The following PKHD1 variants were observed in gnomAD, a reference collection of about 807,000 sequenced individuals.
PKHD1 encodes the protein PKHD1 ciliary IPT domain containing fibrocystin/polyductin.
A neutral mutation model predicts 412.0 loss-of-function variants in PKHD1; 291 were observed. The observed-to-expected ratio is 0.71, with a 90% CI of 0.64 to 0.78. The LOEUF (loss-of-function observed/expected upper bound fraction) is 0.78. Among genes scored for constraint, PKHD1 ranks in the 30% least tolerant of loss-of-function variants. The probability of loss-of-function intolerance (pLI) is 0.00; values close to 1 mark genes in which losing one functional copy is unlikely to be tolerated. For synonymous variants in PKHD1, 1,777 were observed against 1,821.5 expected (o/e 0.98, Z 0.62); for missense variants, 4,825 against 4,950.7 (o/e 0.97, Z 0.76).
At chr6:51,663,237 A>G (rs557103912) in intron 60 of PKHD1, among the ~76,000 whole-genome samples, 4 of 152,180 alleles carry the variant, frequency 2.6e-5, no homozygotes, top group Non-Finnish European at 5.9e-5. Context: ...TCTCCTTTTT[A>G]CACATTTTTT....
chr6:51,843,563 G>A (rs568346433), intron 50 of PKHD1, among the ~76,000 whole-genome samples: 4 of 152,294 alleles, frequency 2.6e-5, no homozygotes, highest in East Asian at 1.9e-4. Flanking sequence ...GCATCAAATC[G>A]CATGAAGGGA....
Position 51,659,307 on chromosome 6 carries a change from T to G in PKHD1, c.10819A>C (p.Thr3607Pro). Residue 3607 changes from threonine (T) to proline (P), a missense_variant, in exon 61 of 67, where the codon ACC (threonine) becomes CCC (proline). Coordinates refer to ENST00000371117, the MANE Select transcript of PKHD1 (RefSeq NM_138694.4). ...FIHEMPGHEE[T>P]LKAIADSRAK... ...CTACTGTCAGCAATGGCCTTTAAGG[T>G]CTCTTCATGGCCAGGCATCTCGTGA... 1 of 1,613,804 alleles carries G rather than the reference T, an allele frequency of 6.2e-7. No homozygotes were observed. The highest frequency in any genetic ancestry group is 8.5e-7 in the Non-Finnish European group (1 of 1,179,836).
chr6:51,996,631 T>C (rs1039351818), intron 35 of PKHD1, among the ~76,000 whole-genome samples: 4 of 152,244 alleles, frequency 2.6e-5, no homozygotes, highest in African/African-American at 9.6e-5. Flanking sequence ...AAGCAGACAT[T>C]CCTACTGAAT....
At chr6:51,681,790 C>A (rs1776700525) in intron 60 of PKHD1, among the ~76,000 whole-genome samples, 1 of 152,100 alleles carries the variant, frequency 6.6e-6, no homozygotes, top group Non-Finnish European at 1.5e-5. Context: ...TGGAACACAG[C>A]TATACGCATT....
At chr6:51,943,239 AC>A (rs1788854463) in intron 36 of PKHD1, among the ~76,000 whole-genome samples, 2 of 151,528 alleles carry the variant, frequency 1.3e-5, no homozygotes, top group Admixed American at 6.6e-5. Context: ...AAAGGACTGG[AC>A]AATACTTTTA....
chr6:51,950,267 CA>C (rs1202913329), intron 36 of PKHD1, among the ~76,000 whole-genome samples: 1 of 141,744 alleles, frequency 7.1e-6, no homozygotes, highest in Non-Finnish European at 1.5e-5. Flanking sequence ...CTCAGAGCTG[CA>C]AACAATAGCA....
chr6:51,983,118 T>C (rs1481861187), intron 35 of PKHD1, among the ~76,000 whole-genome samples: 1 of 152,134 alleles, frequency 6.6e-6, no homozygotes, highest in African/African-American at 2.4e-5. Flanking sequence ...GGTAGCTCCA[T>C]TATTAATTAA....
In PKHD1 at chr6:52,085,038, C is replaced by CA. The variant is rs200738257; in HGVS notation, c.-84-22dup. The stretch of plus-strand genomic sequence containing the variant: ...TTGTGCTTTATAAAAACAAAAAAAG[C>CA]AAAAAAAAATTATCATTTTGTTTAC... On this transcript the variant is annotated intron_variant, in intron 1 of 66. Transcript: ENST00000371117. The CA allele has an allele frequency of 1.0e-2, 7,881 of 788,208 alleles. 40 individuals carry two copies. The highest frequency in any genetic ancestry group is 0.013 in the Non-Finnish European group (5,700 of 450,800). 48.8% of individuals were successfully genotyped at this position (788,208 alleles called of 1,614,324 possible).
At chr6:51,743,382 A>G (rs1784802100) in intron 60 of PKHD1, among the ~76,000 whole-genome samples, 1 of 152,198 alleles carries the variant, frequency 6.6e-6, no homozygotes, top group Non-Finnish European at 1.5e-5. Flanking sequence ...GGTGGCACCA[A>G]TTACTGAGGT....
At chr6:51,965,918 A>G (rs145661887) in intron 35 of PKHD1, among the ~76,000 whole-genome samples, 1 of 152,216 alleles carries the variant, frequency 6.6e-6, no homozygotes, top group East Asian at 1.9e-4. Context: ...CTCTATTTGA[A>G]TCTTCAAATC....
rs760524675 is a variant in PKHD1, at chr6:51,791,347, G to C, written c.8329C>G (p.Leu2777Val). The C allele has an allele frequency of 6.2e-7, 1 of 1,613,552 alleles. No individual in the cohort carries two copies. The highest frequency in any genetic ancestry group is 1.7e-5 in the Admixed American group (1 of 59,992). Residue 2777 changes from leucine (L) to valine (V), a missense_variant, in exon 53 of 67, where the codon CTT (leucine) becomes GTT (valine). Coordinates refer to ENST00000371117, the MANE Select transcript of PKHD1 (RefSeq NM_138694.4). ...PNRTVLVDTD[L>V]PFFKGLYVMG... ...ACATACAGCCCTTTGAAGAATGGAA[G>C]ATCTGTATCCACAAGGACAGTTCTG...
intron 52 of PKHD1, among the ~76,000 whole-genome samples, chr6:51,823,201 C>T (rs9296663): frequency 0.42 from 64,276 of 151,848 alleles, 14,390 homozygotes; most frequent in Middle Eastern, 0.6. Flanking sequence ...GTGCCCAATA[C>T]GGTCACACCT....
In PKHD1 at chr6:51,660,481, G is replaced by T. The variant is rs1366843306; in HGVS notation, c.10157-512C>A. Among the ~76,000 whole-genome samples the T allele has an allele frequency of 2.0e-5, 3 of 152,022 alleles. No homozygotes were observed. The East Asian group carries it at 5.8e-4, about 29-fold the overall frequency. On this transcript the variant is annotated intron_variant, in intron 60 of 66. Coordinates refer to ENST00000371117, the MANE Select transcript of PKHD1 (RefSeq NM_138694.4). Reference sequence around the variant, plus strand: ...TTAGTGCAGACTCCACAAGGTAAGGGCTCAGTCTTACAAGCATGCCCCTAT... The same window carrying T: ...TTAGTGCAGACTCCACAAGGTAAGGTCTCAGTCTTACAAGCATGCCCCTAT...
At chr6:51,749,642 T>C (rs1785760035) in intron 57 of PKHD1, among the ~76,000 whole-genome samples, 2 of 152,162 alleles carry the variant, frequency 1.3e-5, no homozygotes, top group African/African-American at 2.4e-5. Flanking sequence ...TCCTATGAGG[T>C]AGGTACAATT....
At chr6:51,836,268 TAG>T (rs1769191726) in intron 51 of PKHD1, 134 bp downstream of exon 51, 1 of 718,154 alleles carries the variant, frequency 1.4e-6, no homozygotes, top group Middle Eastern at 2.3e-4. Context: ...GGCAACACAA[TAG>T]AGAGTTATCA....
chr6:51,653,721 C>T (rs1771337013), intron 61 of PKHD1, among the ~76,000 whole-genome samples: 3 of 152,062 alleles, frequency 2.0e-5, no homozygotes, highest in Non-Finnish European at 4.4e-5. Flanking sequence ...GGGACAACTA[C>T]ACCTCTTAGG....
chr6:51,969,116 G>A (rs1793282626), intron 35 of PKHD1, among the ~76,000 whole-genome samples: 1 of 152,224 alleles, frequency 6.6e-6, no homozygotes, highest in Non-Finnish European at 1.5e-5. Flanking sequence ...TTAAGAGAGA[G>A]ATTCTCCCAC....
At chr6:51,967,908 C>T (rs571200162) in intron 35 of PKHD1, among the ~76,000 whole-genome samples, 10 of 152,316 alleles carry the variant, frequency 6.6e-5, no homozygotes, top group Admixed American at 2.0e-4. Flanking sequence ...GGACCCATGA[C>T]GGCACTGCCT....
intron 60 of PKHD1, among the ~76,000 whole-genome samples, chr6:51,668,155 A>G (rs1001754313): frequency 6.6e-6 from 1 of 152,086 alleles, no homozygotes; most frequent in African/African-American, 2.4e-5. Context: ...CATTTTCACG[A>G]TATTGATTCT....
Sources: allele counts gnomAD v4.1 joint callset (sites outside exome capture counted in the v4.1 genomes callset), GRCh38; gene constraint gnomAD v4.1.1; transcripts MANE v1.5; gene names NCBI Gene and HGNC (gene_info 2026-07-23, HGNC 2026-07-21).